The following CNTLN variants were observed in gnomAD, a reference collection of about 807,000 sequenced individuals.
The protein encoded by CNTLN is centlein, centrosomal protein.
CNTLN carries 212 observed loss-of-function variants against 180.0 expected under a neutral mutation model. The observed-to-expected ratio is 1.18, with a 90% confidence interval of 1.05 to 1.32. CNTLN has a LOEUF of 1.32. Ranked by LOEUF, CNTLN falls within the 40% of genes most tolerant of loss-of-function variation. The probability of loss-of-function intolerance (pLI) is 0.00; values close to 1 mark genes in which losing one functional copy is unlikely to be tolerated. For synonymous variants in CNTLN, 722 were observed against 563.1 expected (o/e 1.28, Z -3.99); for missense variants, 2,095 against 1,610.9 (o/e 1.30, Z -5.14).
chr9:17,365,556 GAA>G (rs1255043579), intron 12 of CNTLN, among the ~76,000 whole-genome samples: 1 of 152,178 alleles, frequency 6.6e-6, no homozygotes, highest in Non-Finnish European at 1.5e-5. Context: ...TGTTTTACTG[GAA>G]AGTCTTTTTG....
At chr9:17,371,083 C>G (rs541384812) in intron 13 of CNTLN, among the ~76,000 whole-genome samples, 93 of 151,978 alleles carry the variant, frequency 6.1e-4, no homozygotes, top group South Asian at 1.9e-3. Context: ...CACAAAATAA[C>G]CAGGAAACCA....
intron 2 of CNTLN, among the ~76,000 whole-genome samples, chr9:17,218,190 T>A (rs1016036054): frequency 2.0e-5 from 3 of 152,198 alleles, no homozygotes; most frequent in Non-Finnish European, 4.4e-5. Flanking sequence ...AATATAATAG[T>A]TCTAAATTCT....
At chr9:17,182,350 A>C (rs1821176342) in intron 2 of CNTLN, among the ~76,000 whole-genome samples, 1 of 152,086 alleles carries the variant, frequency 6.6e-6, no homozygotes, top group South Asian at 2.1e-4. Flanking sequence ...TCTGCTGTGC[A>C]TGAGGCAAAA....
intron 20 of CNTLN, among the ~76,000 whole-genome samples, chr9:17,463,554 A>T (rs1831575301): frequency 6.6e-6 from 1 of 151,654 alleles, no homozygotes; most frequent in Non-Finnish European, 1.5e-5. Flanking sequence ...GTTTAGATAG[A>T]ATTCCAGTTG....
At chr9:17,166,884 G>A (rs985795564) in intron 2 of CNTLN, 11 of 460,292 alleles carry the variant, frequency 2.4e-5, no homozygotes, top group African/African-American at 2.2e-4. Flanking sequence ...AGTTGGGATT[G>A]AGAAAATGTG....
intron 3 of CNTLN, among the ~76,000 whole-genome samples, chr9:17,228,183 T>C (rs1824594587): frequency 6.6e-6 from 1 of 152,132 alleles, no homozygotes; most frequent in Non-Finnish European, 1.5e-5. Context: ...TTACCAGCTT[T>C]GGATAACCAT....
At chr9:17,178,361 C>G (rs979383795) in intron 2 of CNTLN, among the ~76,000 whole-genome samples, 18 of 152,208 alleles carry the variant, frequency 1.2e-4, no homozygotes, top group African/African-American at 1.7e-4. Context: ...CAGTGGATCC[C>G]GCACCCGGGC....
At chr9:17,442,610 G>T (rs868008882) in intron 18 of CNTLN, among the ~76,000 whole-genome samples, 4 of 152,104 alleles carry the variant, frequency 2.6e-5, no homozygotes, top group African/African-American at 9.7e-5. Flanking sequence ...TGTTGACCAG[G>T]CTGGTCTCAA....
At chr9:17,212,253 T>G (rs1823375986) in intron 2 of CNTLN, among the ~76,000 whole-genome samples, 1 of 152,218 alleles carries the variant, frequency 6.6e-6, no homozygotes, top group South Asian at 2.1e-4. Flanking sequence ...TATTGAGAGT[T>G]TTTAGCATGA....
intron 7 of CNTLN, among the ~76,000 whole-genome samples, chr9:17,302,468 G>A (rs1429229256): frequency 6.6e-6 from 1 of 152,024 alleles, no homozygotes; most frequent in Non-Finnish European, 1.5e-5. Flanking sequence ...CAAAGTGCTG[G>A]GATTATAGGT....
intron 5 of CNTLN, among the ~76,000 whole-genome samples, chr9:17,252,841 A>G (rs1202540549): frequency 6.6e-6 from 1 of 151,682 alleles, no homozygotes; most frequent in African/African-American, 2.4e-5. Flanking sequence ...ATCTTTGCCT[A>G]GACCAATGTC....
At chr9:17,358,190 G>A (rs1823002304) in intron 12 of CNTLN, among the ~76,000 whole-genome samples, 1 of 152,144 alleles carries the variant, frequency 6.6e-6, no homozygotes, top group African/African-American at 2.4e-5. Flanking sequence ...CAGCAGTTTG[G>A]TAATAGTGAA....
At chr9:17,507,110 C>G (rs979656139), downstream of CNTLN, among the ~76,000 whole-genome samples, 1 of 152,098 alleles carries the variant, frequency 6.6e-6, no homozygotes, top group Admixed American at 6.6e-5. Flanking sequence ...CAAACAGTAC[C>G]TGATACATAG....
intron 8 of CNTLN, among the ~76,000 whole-genome samples, chr9:17,312,365 T>TATAAAATATATATATATATATA (rs1563984875): frequency 1.4e-4 from 1 of 7,214 alleles, no homozygotes; most frequent in African/African-American, 2.3e-4. Flanking sequence ...ATATATATAT[T>TATAAAATATATATATATATATA]ATATATATAT....
intron 18 of CNTLN, among the ~76,000 whole-genome samples, chr9:17,456,523 C>G (rs1232612781): frequency 1.3e-5 from 2 of 151,968 alleles, no homozygotes; most frequent in African/African-American, 4.8e-5. Flanking sequence ...GGTATAGTTT[C>G]TAGAAATTGT....
rs1057513765 is a variant in CNTLN at position 17,178,681 on chromosome 9, C to T, written c.449+35305C>T. Among the ~76,000 whole-genome samples, 7 of 128,084 alleles carry T rather than the reference C, an allele frequency of 5.5e-5. No individual in the cohort carries two copies. In the East Asian group the frequency reaches 1.6e-3, roughly 30 times the overall value. The allele number at this position is 128,084 out of a possible 152,430, so 84.0% of individuals were successfully genotyped here. Reference sequence around the variant, plus strand: ...GCCGGCTGGCCGGCCGCTCCAAGTGCGGGGACCACCGAGCCCACACCCACC... The same window carrying T: ...GCCGGCTGGCCGGCCGCTCCAAGTGTGGGGACCACCGAGCCCACACCCACC... On this transcript the variant is annotated intron_variant, in intron 2 of 25. Coordinates refer to ENST00000380647, the MANE Select transcript of CNTLN (RefSeq NM_017738.4).
chr9:17,437,552 A>G (rs1001244971), intron 18 of CNTLN, among the ~76,000 whole-genome samples: 2 of 152,208 alleles, frequency 1.3e-5, no homozygotes, highest in Non-Finnish European at 2.9e-5. Flanking sequence ...AAATTGTAGC[A>G]TATTTATCAC....
chr9:17,307,798 A>C (rs1818822567), intron 7 of CNTLN, among the ~76,000 whole-genome samples: 1 of 152,092 alleles, frequency 6.6e-6, no homozygotes, highest in South Asian at 2.1e-4. Context: ...AAAGCTTTAC[A>C]ATCTTTTATG....
chr9:17,141,002 AATC>A (rs1380219040), intron 1 of CNTLN, among the ~76,000 whole-genome samples: 1 of 151,966 alleles, frequency 6.6e-6, no homozygotes, highest in Non-Finnish European at 1.5e-5. Context: ...TTTTCAAAAA[AATC>A]ATCATAAATA....
Sources: gnomAD v4.1 joint callset for allele counts (sites outside exome capture counted in the v4.1 genomes callset) on GRCh38, gnomAD v4.1.1 for gene constraint, MANE v1.5 for transcripts, NCBI Gene and HGNC (gene_info 2026-07-23, HGNC 2026-07-21) for gene names.